The following EFNA5 variants were observed in gnomAD, a reference collection of about 807,000 sequenced individuals.
EFNA5 encodes the protein ephrin-A5.
A neutral mutation model predicts 22.9 loss-of-function variants in EFNA5; 5 were observed. The observed-to-expected ratio is 0.22, with a 90% CI of 0.11 to 0.46. EFNA5 has a LOEUF of 0.46. Ranked by LOEUF, EFNA5 falls within the 20% of genes least tolerant of loss-of-function variation. The probability of loss-of-function intolerance (pLI) is 0.99; values close to 1 mark genes in which losing one functional copy is unlikely to be tolerated. For missense variants in EFNA5, 237 were observed against 293.3 expected, an observed-to-expected ratio of 0.81 and a Z score of 1.40; for synonymous variants, 113 against 112.2, an observed-to-expected ratio of 1.01 and a Z score of -0.04.
intron 4 of EFNA5, among the ~76,000 whole-genome samples, chr5:107,383,001 C>T (rs190112713): frequency 8.5e-5 from 13 of 152,346 alleles, no homozygotes; most frequent in African/African-American, 3.1e-4. Context: ...TAGAATCACA[C>T]TCGCTAATAT....
At chr5:107,488,317 T>C (rs1746701444) in intron 1 of EFNA5, among the ~76,000 whole-genome samples, 1 of 152,264 alleles carries the variant, frequency 6.6e-6, no homozygotes, top group Non-Finnish European at 1.5e-5. Context: ...TCTTACATTG[T>C]ATAAAGTAAT....
At chr5:107,579,457 C>G (rs1298302557) in intron 1 of EFNA5, among the ~76,000 whole-genome samples, 2 of 152,036 alleles carry the variant, frequency 1.3e-5, no homozygotes, top group African/African-American at 4.8e-5. Context: ...TTTTCTTTAT[C>G]CACAGTGTTT....
intron 2 of EFNA5, among the ~76,000 whole-genome samples, chr5:107,424,096 T>A (rs182063443): frequency 5.3e-5 from 8 of 152,240 alleles, no homozygotes; most frequent in African/African-American, 1.7e-4. Flanking sequence ...TGTGTTTGTA[T>A]CTGAATTTTG....
intron 4 of EFNA5, among the ~76,000 whole-genome samples, chr5:107,385,213 T>C (rs559282669): frequency 6.6e-6 from 1 of 152,330 alleles, no homozygotes; most frequent in East Asian, 1.9e-4. Context: ...GACAGTGGTA[T>C]ATGTTCATGT....
intron 1 of EFNA5, among the ~76,000 whole-genome samples, chr5:107,537,012 G>A (rs904044842): frequency 2.0e-5 from 3 of 151,844 alleles, no homozygotes; most frequent in Non-Finnish European, 4.4e-5. Context: ...GGCTGAGGCA[G>A]GAGAATGGCT....
At chr5:107,485,092 A>C (rs1433312435) in intron 1 of EFNA5, among the ~76,000 whole-genome samples, 2 of 152,094 alleles carry the variant, frequency 1.3e-5, no homozygotes, top group African/African-American at 4.8e-5. Flanking sequence ...AAAAGAAAAA[A>C]GGTAGGAAAT....
intron 2 of EFNA5, among the ~76,000 whole-genome samples, chr5:107,416,392 C>T (rs761005175): frequency 1.3e-5 from 2 of 152,142 alleles, no homozygotes. Flanking sequence ...GGTCAAACTA[C>T]ATGGGTTCAA....
At chr5:107,489,289 C>T (rs1480819861) in intron 1 of EFNA5, among the ~76,000 whole-genome samples, 4 of 151,746 alleles carry the variant, frequency 2.6e-5, no homozygotes, top group Non-Finnish European at 4.4e-5. Flanking sequence ...TTCTCCTGCC[C>T]CAGCCTCTCT....
rs1230985810 is a variant in EFNA5, at chr5:107,381,313, A to G, written c.629T>C (p.Ile210Thr). Residue 210 changes from isoleucine (I) to threonine (T), a missense_variant, in exon 5 of 5, where the codon ATA becomes ACA. Transcript: ENST00000333274. ...RGENAAQTPR[I>T]PSRLLAILLF... ...TAGGATTGCCAAAAGGCGGCTGGGT[A>G]TCCTTGGTGTTTGTGCCGCGTTCTC... 6.2e-7 allele frequency: 1 copy of G among 1,614,078 alleles called. No homozygotes were observed. Among genetic ancestry groups the G allele is most frequent in the Admixed American group, 1.7e-5 (1 of 60,024 alleles).
intron 2 of EFNA5, among the ~76,000 whole-genome samples, chr5:107,422,335 G>C (rs1282120498): frequency 6.6e-6 from 1 of 152,218 alleles, no homozygotes; most frequent in African/African-American, 2.4e-5. Flanking sequence ...ATACAGGGCA[G>C]AAAGCAGGAA....
intron 1 of EFNA5, among the ~76,000 whole-genome samples, chr5:107,661,513 T>C (rs1309525697): frequency 6.6e-6 from 1 of 152,228 alleles, no homozygotes; most frequent in Non-Finnish European, 1.5e-5. Flanking sequence ...GCAGTGGCCA[T>C]GCTGTGCAAG....
rs537753416 is a variant in EFNA5 at position 107,380,855 on chromosome 5, C to A, written c.*400G>T. 6 of 410,176 alleles carry A rather than the reference C, an allele frequency of 1.5e-5. No homozygotes were observed. Among genetic ancestry groups the A allele is most frequent in the African/African-American group, 2.0e-5 (1 of 49,374 alleles). The allele number at this position is 410,176 out of a possible 1,614,324, so 25.4% of individuals were successfully genotyped here. On this transcript the variant is annotated 3_prime_UTR_variant, in exon 5 of 5. Transcript: ENST00000333274. ...GCAAAACCCTCCCAGCCCTAGCCAG[C>A]GCTGGCTGCATCTGCCACTATTCTT...
intron 1 of EFNA5, among the ~76,000 whole-genome samples, chr5:107,558,804 ATGTT>A (rs1748475599): frequency 6.6e-6 from 1 of 152,230 alleles, no homozygotes; most frequent in African/African-American, 2.4e-5. Context: ...AAAGCCATAT[ATGTT>A]TAAACATATA....
At chr5:107,641,021 T>TAGATAGATAGATAGACAGAC (rs796272956) in intron 1 of EFNA5, among the ~76,000 whole-genome samples, 115 of 112,012 alleles carry the variant, frequency 1.0e-3, no homozygotes, top group African/African-American at 3.5e-3. Flanking sequence ...GATAGATAGA[T>TAGATAGATAGATAGACAGAC]AGACAGACAG....
intron 4 of EFNA5, among the ~76,000 whole-genome samples, chr5:107,386,931 G>C (rs1326110572): frequency 6.6e-6 from 1 of 152,112 alleles, no homozygotes; most frequent in African/African-American, 2.4e-5. Context: ...TGATTCACCA[G>C]CATGCTCTGA....
chr5:107,572,105 T>C (rs148974500), intron 1 of EFNA5, among the ~76,000 whole-genome samples: 140 of 151,868 alleles, frequency 9.2e-4, no homozygotes, highest in Middle Eastern at 3.4e-3. Context: ...TTGAGCCAAA[T>C]TGACTAAAAA....
chr5:107,451,064 T>G (rs1238029123), intron 1 of EFNA5, among the ~76,000 whole-genome samples: 1 of 152,242 alleles, frequency 6.6e-6, no homozygotes, highest in Non-Finnish European at 1.5e-5. Context: ...CTTACCAAGA[T>G]GGAAAACGTT....
At chr5:107,492,240 T>A (rs937011419) in intron 1 of EFNA5, among the ~76,000 whole-genome samples, 7 of 152,172 alleles carry the variant, frequency 4.6e-5, no homozygotes, top group Non-Finnish European at 7.4e-5. Flanking sequence ...AAAAACTTTT[T>A]AAAAATCTAA....
At chr5:107,449,369 TAA>T (rs200366690) in intron 1 of EFNA5, among the ~76,000 whole-genome samples, 1 of 142,668 alleles carries the variant, frequency 7.0e-6, no homozygotes, top group African/African-American at 2.5e-5. Flanking sequence ...GCTAAAACCA[TAA>T]AAAAAAAAAA....
Sources: gnomAD v4.1 joint callset for allele counts (sites outside exome capture counted in the v4.1 genomes callset) on GRCh38, gnomAD v4.1.1 for gene constraint, MANE v1.5 for transcripts, NCBI Gene and HGNC (gene_info 2026-07-23, HGNC 2026-07-21) for gene names.